The following CAMK1D variants were observed in gnomAD, a reference collection of about 807,000 sequenced individuals.
CAMK1D encodes the protein calcium/calmodulin-dependent protein kinase type 1D.
CAMK1D carries 9 observed loss-of-function variants against 47.7 expected under a neutral mutation model. The ratio of observed to expected loss-of-function variants is 0.19; its 90% confidence interval spans 0.11 to 0.33. The LOEUF is 0.33. Ranked by LOEUF, CAMK1D falls within the 10% of genes least tolerant of loss-of-function variation. The pLI is 1.00. For missense variants in CAMK1D, 291 were observed against 488.7 expected, an observed-to-expected ratio of 0.60 and a Z score of 3.81; for synonymous variants, 184 against 184.9, an observed-to-expected ratio of 0.99 and a Z score of 0.04.
At chr10:12,574,497 T>TTTTTTTTTTTA (rs368308201) in intron 2 of CAMK1D, among the ~76,000 whole-genome samples, 3 of 128,720 alleles carry the variant, frequency 2.3e-5, no homozygotes, top group African/African-American at 6.2e-5. Flanking sequence ...TTTTTTTTTT[T>TTTTTTTTTTTA]AGTAGAGACG....
intron 1 of CAMK1D, among the ~76,000 whole-genome samples, chr10:12,446,696 A>G (rs1832934475): frequency 6.6e-6 from 1 of 152,220 alleles, no homozygotes; most frequent in Admixed American, 6.5e-5. Flanking sequence ...GATAGTAGCC[A>G]TGATATAAAT....
At chr10:12,393,847 T>C (rs1254097742) in intron 1 of CAMK1D, among the ~76,000 whole-genome samples, 1 of 152,222 alleles carries the variant, frequency 6.6e-6, no homozygotes, top group African/African-American at 2.4e-5. Context: ...AATGGCAGCT[T>C]ACGCTCCACA....
intron 1 of CAMK1D, among the ~76,000 whole-genome samples, chr10:12,499,042 T>G (rs757572957): frequency 6.6e-6 from 1 of 151,060 alleles, no homozygotes; most frequent in South Asian, 2.1e-4. Flanking sequence ...ATACCTGAAA[T>G]CTACTCTCTT....
At chr10:12,537,721 T>C (rs1453046808) in intron 1 of CAMK1D, among the ~76,000 whole-genome samples, 3 of 152,218 alleles carry the variant, frequency 2.0e-5, no homozygotes, top group Non-Finnish European at 4.4e-5. Flanking sequence ...GGGAAGCCCT[T>C]GGCATAACAG....
In CAMK1D at chr10:12,532,595, A is replaced by G. The variant is rs1186157203; in HGVS notation, c.93-20630A>G. ...TGCCCGGCCTATCTTTTTATTTTCA[A>G]GATTGACCTTTCTGGAAATCAGTGT... On this transcript the variant is annotated intron_variant, in intron 1 of 10. Coordinates refer to ENST00000619168, the MANE Select transcript of CAMK1D (RefSeq NM_153498.4). 2.0e-5 allele frequency among the ~76,000 whole-genome samples: 3 copies of G among 152,122 alleles called. No individual in the cohort carries two copies. The East Asian group carries it at 5.8e-4, about 29-fold the overall frequency.
chr10:12,664,409 C>T lies in CAMK1D; in HGVS notation c.225-2327C>T, dbSNP rs374489091. ...TGGATTAAAAGCAGTTTCTAGTCAG[C>T]ACTCATGTAAGACATAGCAGGTTAA... On this transcript the variant is annotated intron_variant, in intron 2 of 10. Transcript: ENST00000619168. Among the ~76,000 whole-genome samples, 324 of 151,810 alleles carry T rather than the reference C, an allele frequency of 2.1e-3. 1 individual carries two copies. In the Middle Eastern group the frequency reaches 0.035, roughly 16 times the overall value.
intron 2 of CAMK1D, among the ~76,000 whole-genome samples, chr10:12,599,251 G>A (rs1838233621): frequency 6.6e-6 from 1 of 152,194 alleles, no homozygotes; most frequent in African/African-American, 2.4e-5. Context: ...AGAATTGGAG[G>A]TGGAAGTGAT....
At chr10:12,540,080 ATTTTTTC>A (rs1267051168) in intron 1 of CAMK1D, among the ~76,000 whole-genome samples, 1 of 150,438 alleles carries the variant, frequency 6.6e-6, no homozygotes, top group African/African-American at 2.5e-5. Context: ...CACCTAGCTA[ATTTTTTC>A]TTTTTTCTTT....
intron 2 of CAMK1D, among the ~76,000 whole-genome samples, chr10:12,612,115 C>T (rs1564444369): frequency 6.6e-6 from 1 of 152,158 alleles, no homozygotes; most frequent in Non-Finnish European, 1.5e-5. Flanking sequence ...TGCTTTCTGT[C>T]CTCTCTTTCT....
chr10:12,718,728 G>A (rs1434004396), intron 3 of CAMK1D, among the ~76,000 whole-genome samples: 2 of 152,202 alleles, frequency 1.3e-5, no homozygotes, highest in Non-Finnish European at 2.9e-5. Context: ...CATGCATCAT[G>A]ACTTAGAATC....
chr10:12,707,481 A>G (rs1294870486), intron 3 of CAMK1D, among the ~76,000 whole-genome samples: 2 of 152,224 alleles, frequency 1.3e-5, no homozygotes, highest in Non-Finnish European at 2.9e-5. Context: ...GAGGAGAGGT[A>G]GAGGGTCAAA....
chr10:12,360,775 C>T (rs1420889008), intron 1 of CAMK1D, among the ~76,000 whole-genome samples: 1 of 152,106 alleles, frequency 6.6e-6, no homozygotes, highest in Admixed American at 6.6e-5. Context: ...AACCCGTAAA[C>T]CAACCTACAT....
chr10:12,431,979 G>T (rs1424479232), intron 1 of CAMK1D, among the ~76,000 whole-genome samples: 1 of 152,244 alleles, frequency 6.6e-6, no homozygotes, highest in Non-Finnish European at 1.5e-5. Context: ...AGGCAATCAA[G>T]AAGGCCGACC....
chr10:12,403,214 G>A (rs1839291556), intron 1 of CAMK1D, among the ~76,000 whole-genome samples: 3 of 152,222 alleles, frequency 2.0e-5, no homozygotes, highest in South Asian at 4.1e-4. Flanking sequence ...GAAAAGTTGT[G>A]AGCTGGTGTT....
At chr10:12,497,245 G>A (rs187861519) in intron 1 of CAMK1D, among the ~76,000 whole-genome samples, 4 of 152,206 alleles carry the variant, frequency 2.6e-5, no homozygotes, top group East Asian at 1.9e-4. Context: ...TTGGGAGGCC[G>A]AAGCCGGAGG....
chr10:12,568,185 T>TCC (rs1837192495), intron 2 of CAMK1D, among the ~76,000 whole-genome samples: 2 of 59,370 alleles, frequency 3.4e-5, no homozygotes, highest in African/African-American at 1.7e-4. Context: ...TCCCTCCCTC[T>TCC]CCCCCTCTCT....
chr10:12,791,067 A>C, intron 5 of CAMK1D, 91 bp from the exon 6 acceptor site: 1 of 1,143,290 alleles, frequency 8.7e-7, no homozygotes, highest in East Asian at 2.4e-5. Context: ...ATACTCACTG[A>C]AAGTTCAGGC....
intron 3 of CAMK1D, among the ~76,000 whole-genome samples, chr10:12,679,502 A>G (rs1840920509): frequency 6.6e-6 from 1 of 152,200 alleles, no homozygotes; most frequent in Non-Finnish European, 1.5e-5. Flanking sequence ...AAGAGCACCT[A>G]CACACGAATA....
At chr10:12,762,853 C>G (rs531005720) in intron 4 of CAMK1D, among the ~76,000 whole-genome samples, 1 of 152,358 alleles carries the variant, frequency 6.6e-6, no homozygotes, top group South Asian at 2.1e-4. Flanking sequence ...CTTCTCTGCT[C>G]TCTTGTGCCC....
Sources: gnomAD v4.1 joint callset for allele counts (sites outside exome capture counted in the v4.1 genomes callset) on GRCh38, gnomAD v4.1.1 for gene constraint, MANE v1.5 for transcripts, NCBI Gene and HGNC (gene_info 2026-07-23, HGNC 2026-07-21) for gene names.